Variants in SP4 observed in about 807,000 individuals in gnomAD.
SP4 encodes Sp4 transcription factor, also known as transcription factor Sp4.
Under a neutral mutation model 72.8 loss-of-function variants are expected in SP4, and 19 were observed. The observed-to-expected ratio is 0.26, with a 90% CI of 0.18 to 0.38. SP4 has a LOEUF of 0.38. SP4 is among the 10% of genes least tolerant of loss of function. SP4 has a pLI of 1.00. For synonymous variants in SP4, 395 were observed against 333.1 expected (o/e 1.19, Z -2.02); for missense variants, 1,008 against 926.3 (o/e 1.09, Z -1.14).
chr7:21,469,736 A>G (rs943503488), intron 3 of SP4, among the ~76,000 whole-genome samples: 2 of 151,670 alleles, frequency 1.3e-5, no homozygotes. Flanking sequence ...TAGAGACAAG[A>G]TTTCACCATA....
chr7:21,481,778 T>C (rs554625164), intron 4 of SP4, 146 bp from the exon 5 acceptor site: 1 of 635,340 alleles, frequency 1.6e-6, no homozygotes, highest in African/African-American at 1.8e-5. Flanking sequence ...AACTGAAAAT[T>C]TTCTGATTTG....
At chr7:21,437,831 A>T (rs1783098243) in intron 3 of SP4, among the ~76,000 whole-genome samples, 1 of 152,230 alleles carries the variant, frequency 6.6e-6, no homozygotes, top group East Asian at 1.9e-4. Flanking sequence ...TATTGTGCGC[A>T]GTACCGGGTG....
intron 3 of SP4, among the ~76,000 whole-genome samples, chr7:21,472,020 G>C (rs1015632162): frequency 1.3e-5 from 2 of 152,116 alleles, no homozygotes; most frequent in Admixed American, 6.6e-5. Context: ...TGGTGAAAAA[G>C]AGCTATATTA....
chr7:21,502,861 A>G (rs193268338), intron 5 of SP4, among the ~76,000 whole-genome samples: 93 of 152,214 alleles, frequency 6.1e-4, no homozygotes, highest in African/African-American at 2.2e-3. Context: ...CCCCTAACCC[A>G]TATAACCAAG....
intron 5 of SP4, among the ~76,000 whole-genome samples, chr7:21,488,542 G>C (rs1023217079): frequency 1.4e-5 from 2 of 148,060 alleles, no homozygotes; most frequent in African/African-American, 5.0e-5. Context: ...ATTTTAATGG[G>C]TGTCTCAGTG....
Position 21,477,037 on chromosome 7 carries a change from GTAGAAAACATTACAATACTTCT to G in SP4, c.1679-40_1679-19del, listed in dbSNP as rs759901240. The G allele has an allele frequency of 6.9e-7, 1 of 1,452,198 alleles. No individual in the cohort carries two copies. The highest frequency in any genetic ancestry group is 9.6e-7 in the Non-Finnish European group (1 of 1,042,918). The allele number at this position is 1,452,198 out of a possible 1,614,324, so 90.0% of individuals were successfully genotyped here. On this transcript the variant is annotated intron_variant, in intron 3 of 5. Coordinates refer to ENST00000222584, the MANE Select transcript of SP4 (RefSeq NM_003112.5). ...TTTTTTTTTAATCCTTTCTTTAGGT[GTAGAAAACATTACAATACTTCT>G]TTTTTTTCTTCCTTTTTAGGTCAGC...
chr7:21,480,924 T>C (rs189640653), intron 4 of SP4, among the ~76,000 whole-genome samples: 1 of 152,324 alleles, frequency 6.6e-6, no homozygotes, highest in Admixed American at 6.5e-5. Context: ...TTTTATGGTG[T>C]GTTTCTGACT....
Position 21,430,071 on chromosome 7 carries a change from C to T in SP4, c.906C>T (p.Ser302=), listed in dbSNP as rs1782784344. 6.2e-7 allele frequency: 1 copy of T among 1,614,134 alleles called. No individual in the cohort carries two copies. Among genetic ancestry groups the T allele is most frequent in the South Asian group, 1.1e-5 (1 of 91,078 alleles). Residue 302 remains serine (S), a synonymous_variant, in exon 3 of 6, where the codon TCC becomes TCT. Transcript: ENST00000222584. ...CTTCCAATGGGAATCAATTAGTTTC[C>T]ACACCCACCAACACCACTACTTCTG... is the stretch of plus-strand genomic sequence containing the variant. ...SGTSNGNQLV[S]TPTNTTTSAS... is the part of the protein sequence containing the mutation.
At chr7:21,433,432 T>A (rs1214788119) in intron 3 of SP4, among the ~76,000 whole-genome samples, 1 of 152,216 alleles carries the variant, frequency 6.6e-6, no homozygotes, top group East Asian at 1.9e-4. Flanking sequence ...TTGCTTGATG[T>A]CTGCAAGTCA....
intron 3 of SP4, among the ~76,000 whole-genome samples, chr7:21,463,842 G>T (rs1049537090): frequency 6.6e-6 from 1 of 152,102 alleles, no homozygotes; most frequent in South Asian, 2.1e-4. Context: ...AATACTTATA[G>T]ATTTATTTGA....
chr7:21,503,727 G>T (rs1416565700), intron 5 of SP4, among the ~76,000 whole-genome samples: 1 of 152,138 alleles, frequency 6.6e-6, no homozygotes, highest in Non-Finnish European at 1.5e-5. Context: ...CCTACTTTGG[G>T]CATTTCTGTG....
In SP4 at chr7:21,482,515, A is replaced by G. The variant is rs899881697; in HGVS notation, c.2107+392A>G. On this transcript the variant is annotated intron_variant, in intron 5 of 5. Transcript: ENST00000222584. ...TCTTAACAAATCCAGAAAATTCACC[A>G]AAGTATCAAGAATAATTAAATAATA... 2.4e-5 allele frequency: 8 copies of G among 335,972 alleles called. No individual in the cohort carries two copies. The East Asian group carries it at 1.2e-3, about 50-fold the overall frequency. The allele number at this position is 335,972 out of a possible 1,614,324, so 20.8% of individuals were successfully genotyped here.
At chr7:21,436,828 C>CTTAAAAA (rs1783065138) in intron 3 of SP4, among the ~76,000 whole-genome samples, 1 of 152,172 alleles carries the variant, frequency 6.6e-6, no homozygotes, top group African/African-American at 2.4e-5. Flanking sequence ...ACTAAGGTAA[C>CTTAAAAA]TTAAAAATAA....
At chr7:21,468,915 A>G (rs1031357434) in intron 3 of SP4, among the ~76,000 whole-genome samples, 1 of 152,136 alleles carries the variant, frequency 6.6e-6, no homozygotes, top group Non-Finnish European at 1.5e-5. Flanking sequence ...GCATTCTCCC[A>G]TACTTCTGGT....
chr7:21,503,920 C>T (rs1781929785), intron 5 of SP4, among the ~76,000 whole-genome samples: 1 of 152,200 alleles, frequency 6.6e-6, no homozygotes, highest in Non-Finnish European at 1.5e-5. Flanking sequence ...TCCCCATTGA[C>T]TCCATTTGTG....
At chr7:21,438,051 GA>G (rs943518387) in intron 3 of SP4, among the ~76,000 whole-genome samples, 36 of 151,400 alleles carry the variant, frequency 2.4e-4, no homozygotes, top group African/African-American at 8.5e-4. Context: ...TTTGGCCCTG[GA>G]AAAACATATG....
chr7:21,473,912 A>C (rs1784419446), intron 3 of SP4, among the ~76,000 whole-genome samples: 1 of 152,170 alleles, frequency 6.6e-6, no homozygotes, highest in Non-Finnish European at 1.5e-5. Context: ...CTTGCTCTGG[A>C]GTTTGGTGGC....
intron 3 of SP4, among the ~76,000 whole-genome samples, chr7:21,456,943 G>C (rs1190088565): frequency 1.3e-5 from 2 of 152,156 alleles, no homozygotes; most frequent in African/African-American, 4.8e-5. Flanking sequence ...TGGCCAAGAG[G>C]AATAGTTCTG....
chr7:21,482,343 C>T (rs764385660), intron 5 of SP4, among the ~76,000 whole-genome samples: 3 of 152,148 alleles, frequency 2.0e-5, no homozygotes, highest in Non-Finnish European at 4.4e-5. Flanking sequence ...ATTTATGAGA[C>T]AAGTGGAATT....
Sources: allele counts gnomAD v4.1 joint callset (sites outside exome capture counted in the v4.1 genomes callset), GRCh38; gene constraint gnomAD v4.1.1; transcripts MANE v1.5; gene names NCBI Gene and HGNC (gene_info 2026-07-23, HGNC 2026-07-21).